The following SOBP variants were observed in gnomAD, a reference collection of about 807,000 sequenced individuals.
The protein encoded by SOBP is sine oculis binding protein homolog.
A neutral mutation model predicts 53.6 loss-of-function variants in SOBP; 4 were observed. The ratio of observed to expected loss-of-function variants is 0.07; its 90% CI spans 0.04 to 0.17. SOBP has a LOEUF of 0.17. SOBP is among the 10% of genes least tolerant of loss of function. SOBP has a pLI of 1.00. For synonymous variants in SOBP, 584 were observed against 522.6 expected (o/e 1.12, Z -1.60); for missense variants, 1,088 against 1,204.7 (o/e 0.90, Z 1.43).
chr6:107,631,960 G>T (rs566167985), intron 5 of SOBP, among the ~76,000 whole-genome samples: 39 of 152,298 alleles, frequency 2.6e-4, no homozygotes, highest in Non-Finnish European at 1.0e-4. Context: ...TGCCAAGTGC[G>T]TGTTCGCCCA....
chr6:107,541,493 T>G (rs1426112637), intron 4 of SOBP, among the ~76,000 whole-genome samples: 2 of 152,210 alleles, frequency 1.3e-5, no homozygotes, highest in Non-Finnish European at 2.9e-5. Context: ...ACTTTCTTAA[T>G]GTTTAACTTT....
At chr6:107,549,588 TC>T (rs776202451) in intron 4 of SOBP, among the ~76,000 whole-genome samples, 1 of 151,888 alleles carries the variant, frequency 6.6e-6, no homozygotes. Flanking sequence ...GAAGTACAGC[TC>T]CCCTCCTCAT....
chr6:107,509,080 T>C (rs571976691), intron 3 of SOBP, among the ~76,000 whole-genome samples: 2 of 152,160 alleles, frequency 1.3e-5, no homozygotes, highest in African/African-American at 2.4e-5. Flanking sequence ...CTCATGTGGT[T>C]GTTGTGGAGA....
intron 5 of SOBP, among the ~76,000 whole-genome samples, chr6:107,623,534 G>A (rs1484134054): frequency 6.6e-6 from 1 of 152,064 alleles, no homozygotes; most frequent in African/African-American, 2.4e-5. Flanking sequence ...GAGAGAGAGA[G>A]ATAGGCAGAG....
At chr6:107,611,461 C>T (rs962724852) in intron 5 of SOBP, among the ~76,000 whole-genome samples, 5 of 152,202 alleles carry the variant, frequency 3.3e-5, no homozygotes, top group African/African-American at 1.2e-4. Context: ...CTGTCACTAA[C>T]ATTTGACTAT....
intron 5 of SOBP, among the ~76,000 whole-genome samples, chr6:107,631,680 T>A (rs1319831990): frequency 6.6e-6 from 1 of 151,396 alleles, no homozygotes; most frequent in Admixed American, 6.6e-5. Context: ...AGCACTGAAA[T>A]TTTTTTTTAC....
At chr6:107,651,020 C>T (rs551638262) in intron 6 of SOBP, among the ~76,000 whole-genome samples, 97 of 152,270 alleles carry the variant, frequency 6.4e-4, no homozygotes, top group Non-Finnish European at 4.1e-4. Flanking sequence ...AATCCCAGCA[C>T]TTTGGGAGGC....
intron 3 of SOBP, among the ~76,000 whole-genome samples, chr6:107,515,967 A>G (rs1277607601): frequency 2.0e-5 from 3 of 152,336 alleles, no homozygotes; most frequent in Admixed American, 6.5e-5. Flanking sequence ...TAAAACCATT[A>G]ACAGAATAAA....
chr6:107,630,750 G>GTCTC (rs60388300), intron 5 of SOBP, among the ~76,000 whole-genome samples: 2,411 of 148,632 alleles, frequency 0.016, 39 homozygotes, highest in African/African-American at 0.034. Flanking sequence ...CACACACTCT[G>GTCTC]TCTCTCTCTC....
chr6:107,581,277 G>A (rs1007074372), intron 4 of SOBP, among the ~76,000 whole-genome samples: 2 of 152,318 alleles, frequency 1.3e-5, no homozygotes, highest in Non-Finnish European at 2.9e-5. Flanking sequence ...CAGTCTGAAC[G>A]AAGGCTTAAA....
intron 5 of SOBP, among the ~76,000 whole-genome samples, chr6:107,626,013 C>T (rs1023793974): frequency 6.6e-6 from 1 of 151,982 alleles, no homozygotes; most frequent in African/African-American, 2.4e-5. Flanking sequence ...AATAATGAAA[C>T]TTCAAATATT....
chr6:107,498,401 T>A (rs1782751700), intron 1 of SOBP, among the ~76,000 whole-genome samples: 1 of 152,214 alleles, frequency 6.6e-6, no homozygotes, highest in South Asian at 2.1e-4. Context: ...TAAAATCTAC[T>A]TGTTGTTTTC....
chr6:107,491,945 CAT>C (rs1782591546), intron 1 of SOBP, among the ~76,000 whole-genome samples: 1 of 152,182 alleles, frequency 6.6e-6, no homozygotes, highest in Admixed American at 6.5e-5. Context: ...GGATATATAT[CAT>C]ATATGTATGC....
rs147306744 is a variant in SOBP, at chr6:107,629,656, T to G, written c.670-3858T>G. Among the ~76,000 whole-genome samples the G allele has an allele frequency of 1.5e-3, 223 of 152,336 alleles. 1 individual carries two copies. The highest frequency in any genetic ancestry group is 5.2e-3 in the African/African-American group (215 of 41,562). On this transcript the variant is annotated intron_variant, in intron 5 of 6. Transcript: ENST00000317357. ...TCGGCTTTCTTATATCAGGAGCAAG[T>G]GATATATGTGCTGAGGCAGTGTCTT...
intron 5 of SOBP, among the ~76,000 whole-genome samples, chr6:107,610,705 G>C (rs747836512): frequency 2.0e-5 from 3 of 152,092 alleles, no homozygotes; most frequent in Non-Finnish European, 4.4e-5. Flanking sequence ...ATAACCTAAA[G>C]CAATAGTACC....
intron 5 of SOBP, among the ~76,000 whole-genome samples, chr6:107,613,737 A>G (rs1219678560): frequency 6.6e-6 from 1 of 152,238 alleles, no homozygotes; most frequent in African/African-American, 2.4e-5. Context: ...GAAATGACAA[A>G]GTCAGGATTA....
At chr6:107,588,780 GT>G (rs1785651854) in intron 5 of SOBP, among the ~76,000 whole-genome samples, 1 of 152,200 alleles carries the variant, frequency 6.6e-6, no homozygotes. Context: ...GAAAATAGAT[GT>G]TTTGTCATTG....
chr6:107,649,071 A>AGGCCCAGGAGTTTGAGGCTGC (rs1331752373), intron 6 of SOBP, among the ~76,000 whole-genome samples: 2 of 145,446 alleles, frequency 1.4e-5, no homozygotes, highest in African/African-American at 2.5e-5. Flanking sequence ...CAGGAGGCTG[A>AGGCCCAGGAGTTTGAGGCTGC]GGCCCAGGAG....
chr6:107,553,909 A>T (rs1481162954), intron 4 of SOBP, among the ~76,000 whole-genome samples: 4 of 152,146 alleles, frequency 2.6e-5, no homozygotes, highest in Admixed American at 2.6e-4. Flanking sequence ...TTAGAGTTCT[A>T]TATAATGTAA....
Sources: gnomAD v4.1 joint callset for allele counts (sites outside exome capture counted in the v4.1 genomes callset) on GRCh38, gnomAD v4.1.1 for gene constraint, MANE v1.5 for transcripts, NCBI Gene and HGNC (gene_info 2026-07-23, HGNC 2026-07-21) for gene names.